Variants in NFIC observed in about 807,000 individuals in gnomAD.
The protein encoded by NFIC is nuclear factor I C.
Under a neutral mutation model 54.4 loss-of-function variants are expected in NFIC, and 12 were observed. The observed-to-expected ratio is 0.22, with a 90% CI of 0.14 to 0.36. NFIC has a LOEUF of 0.36. NFIC is among the 10% of genes least tolerant of loss of function. The pLI is 1.00. For missense variants in NFIC, 575 were observed against 718.2 expected, an observed-to-expected ratio of 0.80 and a Z score of 2.28; for synonymous variants, 322 against 319.2, an observed-to-expected ratio of 1.01 and a Z score of -0.09.
rs951067346 is a variant in NFIC, at chr19:3,375,567, C to A, written c.31-6145C>A. Among the ~76,000 whole-genome samples, 1 of 152,210 alleles carries A rather than the reference C, an allele frequency of 6.6e-6. No individual in the cohort carries two copies. On this transcript the variant is annotated intron_variant, in intron 1 of 10. Transcript: ENST00000443272. This position sits in a 1 kb window ranked among gnomAD's most constrained non-coding sequence, Gnocchi z 4.6. ...TGCCTTAGCAGGTTGGCTGGGGAAG[C>A]GGGGGCAGCGGAAAAGGGCCCTGAG...
chr19:3,405,733 G>A (rs949373915), intron 2 of NFIC, among the ~76,000 whole-genome samples: 7 of 151,706 alleles, frequency 4.6e-5, no homozygotes, highest in Non-Finnish European at 2.9e-5. Context: ...TTGAGTAACT[G>A]GGATTACAGG....
chr19:3,428,318 A>G (rs2082060811), intron 3 of NFIC, among the ~76,000 whole-genome samples: 1 of 151,446 alleles, frequency 6.6e-6, no homozygotes, highest in African/African-American at 2.4e-5. Flanking sequence ...ACATGGCGAA[A>G]CCCCATCTGT....
chr19:3,423,412 C>T (rs1251645048), intron 2 of NFIC, among the ~76,000 whole-genome samples: 14 of 152,062 alleles, frequency 9.2e-5, no homozygotes, highest in Admixed American at 5.9e-4. Flanking sequence ...ACAGCGATCG[C>T]GTCCTGGCCT....
chr19:3,456,720 T>C (rs2082564429), intron 10 of NFIC, 85 bp downstream of exon 10: 1 of 1,257,754 alleles, frequency 8.0e-7, no homozygotes. Context: ...GAGGGCCTGC[T>C]GGGTCCCACG....
chr19:3,451,932 C>A (rs891332133), intron 7 of NFIC, among the ~76,000 whole-genome samples: 2 of 151,998 alleles, frequency 1.3e-5, no homozygotes, highest in Non-Finnish European at 2.9e-5. Flanking sequence ...GCCTGGCCAA[C>A]ATGGCGAAAC....
chr19:3,427,580 G>T (rs571712155), intron 3 of NFIC, among the ~76,000 whole-genome samples: 1 of 152,228 alleles, frequency 6.6e-6, no homozygotes, highest in African/African-American at 2.4e-5. Context: ...TGTAATCCCA[G>T]CACTTTGGGA....
Position 3,452,806 on chromosome 19 carries a change from T to G in NFIC, c.1269+140T>G. On this transcript the variant is annotated intron_variant, in intron 8 of 10. Transcript: ENST00000443272. The surrounding 1 kb of genome is among the most constrained non-coding windows in gnomAD (Gnocchi z 5.3). ...TCTGAAGTCCCCTCCTCTGTCGTGCTGGGAGGCAGCTGGATTGGGTCAGAA... is the reference window on the plus strand; with the variant it reads ...TCTGAAGTCCCCTCCTCTGTCGTGCGGGGAGGCAGCTGGATTGGGTCAGAA... The G allele has an allele frequency of 9.4e-7, 1 of 1,061,264 alleles. No individual in the cohort carries two copies. Among genetic ancestry groups the G allele is most frequent in the Admixed American group, 2.7e-5 (1 of 36,636 alleles). 65.7% of individuals were successfully genotyped at this position (1,061,264 alleles called of 1,614,324 possible).
At chr19:3,401,722 T>TC (rs369329745) in intron 2 of NFIC, among the ~76,000 whole-genome samples, 5 of 32,442 alleles carry the variant, frequency 1.5e-4, no homozygotes, top group Admixed American at 4.8e-4. Flanking sequence ...GGTTATTCTC[T>TC]TTTTTTTTCT....
chr19:3,416,240 C>T (rs2081852283), intron 2 of NFIC, among the ~76,000 whole-genome samples: 1 of 149,988 alleles, frequency 6.7e-6, no homozygotes, highest in African/African-American at 2.5e-5. Flanking sequence ...TAATCACTCT[C>T]CTGTGAAATT....
At chr19:3,436,886 G>C (rs2082211605) in intron 6 of NFIC, among the ~76,000 whole-genome samples, 1 of 152,154 alleles carries the variant, frequency 6.6e-6, no homozygotes, top group African/African-American at 2.4e-5. Context: ...TCTGTGTGCT[G>C]TGTAACCTGG....
intron 5 of NFIC, among the ~76,000 whole-genome samples, chr19:3,434,775 C>G (rs1189802890): frequency 6.6e-6 from 1 of 152,200 alleles, no homozygotes. Context: ...ACAGGCAGTT[C>G]TGAGGACTAC....
At chr19:3,411,345 T>TTTTGG (rs2081755631) in intron 2 of NFIC, among the ~76,000 whole-genome samples, 1 of 146,728 alleles carries the variant, frequency 6.8e-6, no homozygotes. Flanking sequence ...TTTTTTTTTT[T>TTTTGG]GAGACGGAGT....
intron 2 of NFIC, among the ~76,000 whole-genome samples, chr19:3,412,041 A>G (rs773048404): frequency 2.0e-5 from 3 of 152,230 alleles, no homozygotes; most frequent in African/African-American, 4.8e-5. Flanking sequence ...TAAAGCCTGT[A>G]ATCGACATCG....
Position 3,417,933 on chromosome 19 carries a change from C to T in NFIC, c.563-7173C>T, listed in dbSNP as rs534256051. On this transcript the variant is annotated intron_variant, in intron 2 of 10. Transcript: ENST00000443272. The stretch of plus-strand genomic sequence containing the variant: ...GATTACAGGCGTGATCCACCGTGCC[C>T]GGCCACCTCTGGAAGCAGCCAGGGC... 7.1e-5 allele frequency among the ~76,000 whole-genome samples: 10 copies of T among 140,582 alleles called. No homozygotes were observed. In the East Asian group the frequency reaches 1.3e-3, roughly 18 times the overall value. 92.2% of individuals were successfully genotyped at this position (140,582 alleles called of 152,430 possible).
At chr19:3,432,363 G>A (rs76267723) in intron 3 of NFIC, among the ~76,000 whole-genome samples, 2,413 of 152,218 alleles carry the variant, frequency 0.016, 77 homozygotes, top group African/African-American at 0.055. Flanking sequence ...CCAAGCTCTG[G>A]TCTAGGCACG....
rs904443006 is a variant in NFIC, at chr19:3,465,984, C to T, written c.*3215C>T. On this transcript the variant is annotated 3_prime_UTR_variant, in exon 11 of 11. Coordinates refer to ENST00000443272, the MANE Select transcript of NFIC (RefSeq NM_001245002.2). ...CTCTCCCACCTTCTCCTTTGTCCCC[C>T]ATCCCCTGTCTCTGTCTTCCAGCTG... 3.3e-5 allele frequency: 5 copies of T among 152,328 alleles called. No individual in the cohort carries two copies. Among genetic ancestry groups the T allele is most frequent in the Non-Finnish European group, 5.9e-5 (4 of 68,152 alleles). 9.4% of individuals were successfully genotyped at this position (152,328 alleles called of 1,614,324 possible).
At chr19:3,367,656 C>T (rs748821438) in intron 1 of NFIC, among the ~76,000 whole-genome samples, 1 of 152,252 alleles carries the variant, frequency 6.6e-6, no homozygotes, top group Non-Finnish European at 1.5e-5. Context: ...TTTTCTAGAC[C>T]GCTGCTTTCC....
Position 3,413,784 on chromosome 19 carries a change from G to A in NFIC, c.563-11322G>A, listed in dbSNP as rs187117555. Among the ~76,000 whole-genome samples, 156 of 152,058 alleles carry A rather than the reference G, an allele frequency of 1.0e-3. 1 individual carries two copies. Among genetic ancestry groups the A allele is most frequent in the African/African-American group, 3.6e-3 (149 of 41,444 alleles). On this transcript the variant is annotated intron_variant, in intron 2 of 10. Coordinates refer to ENST00000443272, the MANE Select transcript of NFIC (RefSeq NM_001245002.2). ...CCGGAGCAGCTGGGATTACAGGCAC[G>A]CACCACCACGCCAGGCTAGTTTTTG...
chr19:3,385,124 C>T (rs1352603514), intron 2 of NFIC, among the ~76,000 whole-genome samples: 6 of 150,818 alleles, frequency 4.0e-5, no homozygotes, highest in Non-Finnish European at 5.9e-5. Context: ...AGCCTGCCCC[C>T]TTCATCCCCA....
Sources: allele counts gnomAD v4.1 joint callset (sites outside exome capture counted in the v4.1 genomes callset), GRCh38; gene constraint gnomAD v4.1.1; non-coding constraint Gnocchi (gnomAD v3.1); transcripts MANE v1.5; gene names NCBI Gene and HGNC (gene_info 2026-07-23, HGNC 2026-07-21).